TLE4: variants seen among roughly 807,000 people sequenced by gnomAD.
TLE4 encodes transducin-like enhancer protein 4.
A neutral mutation model predicts 92.8 loss-of-function variants in TLE4; 8 were observed. That is an observed-to-expected ratio of 0.09 (90% CI 0.05 to 0.16). The LOEUF (loss-of-function observed/expected upper bound fraction) is 0.16, where lower values mean the gene tolerates loss of function less well. Among genes scored for constraint, TLE4 ranks in the 10% least tolerant of loss-of-function variants. TLE4 has a pLI of 1.00. For synonymous variants in TLE4, 371 were observed against 374.1 expected (o/e 0.99, Z 0.10); for missense variants, 675 against 997.6 (o/e 0.68, Z 4.36).
chr9:79,641,562 G>A (rs1166290056), intron 6 of TLE4, among the ~76,000 whole-genome samples: 2 of 152,144 alleles, frequency 1.3e-5, no homozygotes. Context: ...GTCACAGCAA[G>A]CGTCTCTCTT....
intron 8 of TLE4, chr9:79,668,747 C>CA (rs11432699): frequency 0.91 from 780,852 of 855,588 alleles, 356,522 homozygotes; most frequent in Middle Eastern, 0.93. Flanking sequence ...GTATAGCTAG[C>CA]AAATGGAAGT....
intron 4 of TLE4, among the ~76,000 whole-genome samples, chr9:79,609,330 G>A (rs547194727): frequency 1.1e-4 from 17 of 152,146 alleles, no homozygotes; most frequent in South Asian, 4.1e-4. Context: ...AGGGATTTTC[G>A]TAGAATGCCT....
chr9:79,639,793 T>C (rs1176716263), intron 6 of TLE4, among the ~76,000 whole-genome samples: 1 of 152,180 alleles, frequency 6.6e-6, no homozygotes, highest in Non-Finnish European at 1.5e-5. Context: ...TTATACCATC[T>C]AGATAAATAT....
intron 6 of TLE4, among the ~76,000 whole-genome samples, chr9:79,631,436 A>T (rs9886703): frequency 0.79 from 120,046 of 152,126 alleles, 47,605 homozygotes; most frequent in Middle Eastern, 0.87. Flanking sequence ...AATTCATTGG[A>T]TTGGAGCAGC....
intron 14 of TLE4, among the ~76,000 whole-genome samples, chr9:79,710,448 CTG>C (rs1333304038): frequency 1.3e-5 from 2 of 152,138 alleles, no homozygotes; most frequent in Admixed American, 6.5e-5. Flanking sequence ...TGTTAGTCAC[CTG>C]TGTGTGTGCA....
In TLE4 at chr9:79,671,409, G is replaced by GT. The variant is rs1192871305; in HGVS notation, c.609+17339dup. ...GAGGACTGTGATCTCACAGTTTACC[G>GT]TTTTTGCAGAGAGCCTCTTTTATTT... On this transcript the variant is annotated intron_variant, in intron 8 of 19. Coordinates refer to ENST00000376552, the MANE Select transcript of TLE4 (RefSeq NM_007005.6). The GT allele has an allele frequency of 3.7e-5, 13 of 352,240 alleles. No homozygotes were observed. The East Asian group carries it at 9.8e-4, about 27-fold the overall frequency. The allele number at this position is 352,240 out of a possible 1,614,324, so 21.8% of individuals were successfully genotyped here.
At chr9:79,639,390 T>C (rs1468470522) in intron 6 of TLE4, among the ~76,000 whole-genome samples, 2 of 152,136 alleles carry the variant, frequency 1.3e-5, no homozygotes, top group Non-Finnish European at 2.9e-5. Flanking sequence ...TCCCATAAGA[T>C]TATAATGGAG....
chr9:79,585,807 T>C lies in TLE4; in HGVS notation c.252+9630T>C, dbSNP rs1004230159. 6.6e-5 allele frequency among the ~76,000 whole-genome samples: 10 copies of C among 151,988 alleles called. No homozygotes were observed. In the East Asian group the frequency reaches 1.9e-3, roughly 29 times the overall value. ...TTTTTTATAAGGTACTTTCTCATCC[T>C]TTTTTTTCATGTAAACCCCAATAAT... On this transcript the variant is annotated intron_variant, in intron 4 of 19. Coordinates refer to ENST00000376552, the MANE Select transcript of TLE4 (RefSeq NM_007005.6).
chr9:79,648,301 T>G (rs576823930), intron 6 of TLE4, among the ~76,000 whole-genome samples: 1 of 152,180 alleles, frequency 6.6e-6, no homozygotes, highest in South Asian at 2.1e-4. Context: ...GGCCTGAGAC[T>G]GGTCTCTTCT....
At chr9:79,581,036 T>C (rs1399277899) in intron 4 of TLE4, among the ~76,000 whole-genome samples, 1 of 152,168 alleles carries the variant, frequency 6.6e-6, no homozygotes, top group Non-Finnish European at 1.5e-5. Flanking sequence ...TAAAGCCACC[T>C]TTTCTAATTT....
intron 4 of TLE4, among the ~76,000 whole-genome samples, chr9:79,599,370 A>T (rs2044975689): frequency 1.3e-5 from 2 of 152,102 alleles, no homozygotes; most frequent in African/African-American, 4.8e-5. Flanking sequence ...AGCTTTAAAA[A>T]CTGAAGCCAG....
intron 4 of TLE4, among the ~76,000 whole-genome samples, chr9:79,610,480 G>A (rs572454261): frequency 3.3e-5 from 5 of 152,140 alleles, no homozygotes; most frequent in African/African-American, 7.2e-5. Flanking sequence ...CAGTGTTTCC[G>A]AGGCAACTTT....
chr9:79,694,683 T>G (rs573470214), intron 8 of TLE4, among the ~76,000 whole-genome samples: 1 of 152,134 alleles, frequency 6.6e-6, no homozygotes, highest in East Asian at 1.9e-4. Flanking sequence ...TATCAACCAA[T>G]GTAAACATCT....
At chr9:79,628,127 T>C (rs992634701) in intron 6 of TLE4, among the ~76,000 whole-genome samples, 4 of 152,064 alleles carry the variant, frequency 2.6e-5, no homozygotes, top group African/African-American at 9.7e-5. Flanking sequence ...AATAATGTGC[T>C]GAAACTTAGA....
intron 8 of TLE4, among the ~76,000 whole-genome samples, chr9:79,659,065 A>C (rs935841773): frequency 6.6e-6 from 1 of 152,182 alleles, no homozygotes. Flanking sequence ...TATAGCTCAT[A>C]GGTTAGATTT....
At chr9:79,724,732 A>G (rs1421632790) in intron 19 of TLE4, among the ~76,000 whole-genome samples, 1 of 151,848 alleles carries the variant, frequency 6.6e-6, no homozygotes, top group African/African-American at 2.4e-5. Flanking sequence ...TCGTAGTCCC[A>G]GCATCTCAGG....
chr9:79,627,496 C>G, intron 6 of TLE4, 48 bp downstream of exon 6: 2 of 1,546,996 alleles, frequency 1.3e-6, no homozygotes, highest in Non-Finnish European at 1.8e-6. Context: ...TTGTCATCAG[C>G]TCTCTCGCTC....
chr9:79,649,916 GT>G (rs1440084150), intron 6 of TLE4: 1 of 1,318,428 alleles, frequency 7.6e-7, no homozygotes. Context: ...TTTGTTTTTT[GT>G]TTTTTGTTTT....
intron 8 of TLE4, among the ~76,000 whole-genome samples, chr9:79,696,060 G>C (rs960432288): frequency 6.6e-6 from 1 of 152,106 alleles, no homozygotes; most frequent in Non-Finnish European, 1.5e-5. Flanking sequence ...AGCCACATGT[G>C]GCTTTTCAGC....
Sources: gnomAD v4.1 joint callset for allele counts (sites outside exome capture counted in the v4.1 genomes callset) on GRCh38, gnomAD v4.1.1 for gene constraint, MANE v1.5 for transcripts, NCBI Gene and HGNC (gene_info 2026-07-23, HGNC 2026-07-21) for gene names.